PDZD2: variants seen among roughly 807,000 people sequenced by gnomAD.
PDZD2 encodes PDZ domain containing 2, also known as PDZ domain-containing protein 2.
PDZD2 carries 90 observed loss-of-function variants against 220.7 expected under a neutral mutation model. The observed-to-expected ratio is 0.41, with a 90% CI of 0.34 to 0.49. The LOEUF is 0.49. Among genes scored for constraint, PDZD2 ranks in the 20% least tolerant of loss-of-function variants. PDZD2 has a pLI of 0.28. For synonymous variants in PDZD2, 1,375 were observed against 1,450.5 expected (o/e 0.95, Z 1.18); for missense variants, 3,174 against 3,608.5 (o/e 0.88, Z 3.08).
chr5:31,935,642 A>G (rs115595203), intron 2 of PDZD2, among the ~76,000 whole-genome samples: 1 of 151,620 alleles, frequency 6.6e-6, no homozygotes, highest in Non-Finnish European at 1.5e-5. Flanking sequence ...GATGCAATTT[A>G]AAAAAAAATC....
At chr5:31,757,444 T>C (rs939510593) in intron 1 of PDZD2, among the ~76,000 whole-genome samples, 1 of 151,942 alleles carries the variant, frequency 6.6e-6, no homozygotes, top group Non-Finnish European at 1.5e-5. Context: ...ACAAAAAAAT[T>C]AGCCGGGCGT....
At chr5:31,831,036 T>A (rs974533368) in intron 2 of PDZD2, among the ~76,000 whole-genome samples, 2 of 152,252 alleles carry the variant, frequency 1.3e-5, no homozygotes, top group Non-Finnish European at 2.9e-5. Context: ...TCCCTGTTAG[T>A]GCTTTTCCTT....
chr5:31,766,282 T>C (rs1052721044), intron 1 of PDZD2, among the ~76,000 whole-genome samples: 2 of 152,232 alleles, frequency 1.3e-5, no homozygotes, highest in African/African-American at 4.8e-5. Context: ...AGTATTGTTT[T>C]CTACAGTGTG....
intron 1 of PDZD2, among the ~76,000 whole-genome samples, chr5:31,770,491 C>T (rs1273902645): frequency 2.0e-5 from 3 of 152,186 alleles, no homozygotes; most frequent in African/African-American, 4.8e-5. Flanking sequence ...CAGGTCACCC[C>T]TGAGTCACCC....
At chr5:31,828,197 G>A (rs1036510065) in intron 2 of PDZD2, among the ~76,000 whole-genome samples, 1 of 152,158 alleles carries the variant, frequency 6.6e-6, no homozygotes, top group South Asian at 2.1e-4. Flanking sequence ...AGTTCTGTTG[G>A]ATATATATGT....
At chr5:32,024,607 C>T (rs1317947589) in intron 6 of PDZD2, among the ~76,000 whole-genome samples, 1 of 150,500 alleles carries the variant, frequency 6.6e-6, no homozygotes, top group Non-Finnish European at 1.5e-5. Context: ...CGCATGAATC[C>T]GGGAGGTGGA....
At chr5:32,011,277 T>C (rs1753295739) in intron 6 of PDZD2, among the ~76,000 whole-genome samples, 1 of 150,424 alleles carries the variant, frequency 6.6e-6, no homozygotes, top group African/African-American at 2.4e-5. Context: ...TTGCTTGAGC[T>C]CAGGAGTCGG....
intron 14 of PDZD2, among the ~76,000 whole-genome samples, chr5:32,065,474 A>G (rs894912533): frequency 1.3e-5 from 2 of 152,102 alleles, no homozygotes; most frequent in Non-Finnish European, 2.9e-5. Flanking sequence ...GGGTCCCTCT[A>G]TGTGCCATAT....
intron 1 of PDZD2, among the ~76,000 whole-genome samples, chr5:31,711,190 C>A (rs1445539374): frequency 6.6e-6 from 1 of 152,120 alleles, no homozygotes; most frequent in Non-Finnish European, 1.5e-5. Flanking sequence ...ATCTGGACTG[C>A]CCTTTTTCCT....
chr5:31,721,112 A>C (rs1748764405), intron 1 of PDZD2, among the ~76,000 whole-genome samples: 1 of 152,142 alleles, frequency 6.6e-6, no homozygotes, highest in Non-Finnish European at 1.5e-5. Flanking sequence ...TTGTTAACAG[A>C]CTGGCGTGGT....
At chr5:31,683,370 A>T (rs957800358) in intron 1 of PDZD2, among the ~76,000 whole-genome samples, 2 of 152,146 alleles carry the variant, frequency 1.3e-5, no homozygotes, top group East Asian at 3.9e-4. Flanking sequence ...AGGGTGCTTT[A>T]AAAAAATACA....
chr5:31,967,855 A>G (rs1748899139), intron 2 of PDZD2, among the ~76,000 whole-genome samples: 1 of 152,228 alleles, frequency 6.6e-6, no homozygotes, highest in African/African-American at 2.4e-5. Context: ...GGAGCAGGGC[A>G]CAGGGGAGGT....
chr5:32,043,773 G>A (rs989079901), intron 7 of PDZD2, among the ~76,000 whole-genome samples: 7 of 152,176 alleles, frequency 4.6e-5, no homozygotes, highest in East Asian at 3.9e-4. Context: ...GACTACACGC[G>A]CAGGCTACCA....
intron 3 of PDZD2, 114 bp downstream of exon 3, chr5:31,983,770 A>G (rs1750497240): frequency 9.2e-7 from 1 of 1,082,284 alleles, no homozygotes; most frequent in Admixed American, 2.3e-5. Context: ...AGAATTTTGA[A>G]AGAAATATTG....
chr5:31,751,932 C>T (rs72755458), intron 1 of PDZD2, among the ~76,000 whole-genome samples: 1 of 152,058 alleles, frequency 6.6e-6, no homozygotes, highest in African/African-American at 2.4e-5. Flanking sequence ...CAAGTTTAAC[C>T]ATCTTTGAGG....
intron 1 of PDZD2, among the ~76,000 whole-genome samples, chr5:31,758,943 G>A (rs1751462546): frequency 1.3e-5 from 2 of 152,250 alleles, no homozygotes; most frequent in South Asian, 4.1e-4. Flanking sequence ...GCTACACTGT[G>A]TTCCTGGTCC....
intron 1 of PDZD2, among the ~76,000 whole-genome samples, chr5:31,673,279 A>AGAGT (rs1746284467): frequency 6.6e-6 from 1 of 152,194 alleles, no homozygotes; most frequent in South Asian, 2.1e-4. Context: ...TGCACAATAC[A>AGAGT]GAGTGAGTAT....
intron 1 of PDZD2, among the ~76,000 whole-genome samples, chr5:31,674,684 C>A (rs1347213468): frequency 1.3e-5 from 2 of 152,048 alleles, no homozygotes; most frequent in Non-Finnish European, 2.9e-5. Context: ...ATGATGGGAC[C>A]TTTTATGGAA....
intron 2 of PDZD2, among the ~76,000 whole-genome samples, chr5:31,911,420 T>C (rs566855430): frequency 2.6e-5 from 4 of 152,352 alleles, no homozygotes; most frequent in African/African-American, 9.6e-5. Flanking sequence ...GCTTCTGTTC[T>C]GTGGATGCCA....
Sources: gnomAD v4.1 joint callset for allele counts (sites outside exome capture counted in the v4.1 genomes callset) on GRCh38, gnomAD v4.1.1 for gene constraint, MANE v1.5 for transcripts, NCBI Gene and HGNC (gene_info 2026-07-23, HGNC 2026-07-21) for gene names.